Variants in XKR4 observed in about 807,000 individuals in gnomAD.
The protein encoded by XKR4 is XK related 4, also known as XK-related protein 4.
XKR4 carries 12 observed loss-of-function variants against 53.9 expected under a neutral mutation model. The observed-to-expected ratio is 0.22, with a 90% CI of 0.14 to 0.36. The LOEUF (loss-of-function observed/expected upper bound fraction) is 0.36. Among genes scored for constraint, XKR4 ranks in the 10% least tolerant of loss-of-function variants. The pLI, the probability that XKR4 is intolerant of heterozygous loss-of-function variation, is 1.00. For missense variants in XKR4, 799 were observed against 859.5 expected, an observed-to-expected ratio of 0.93 and a Z score of 0.88; for synonymous variants, 354 against 362.4, an observed-to-expected ratio of 0.98 and a Z score of 0.26.
chr8:55,429,779 C>T (rs1421959350), intron 2 of XKR4, among the ~76,000 whole-genome samples: 2 of 151,740 alleles, frequency 1.3e-5, no homozygotes, highest in South Asian at 2.1e-4. Flanking sequence ...AGAAAAATTG[C>T]TAAATTGGGC....
At chr8:55,446,628 C>A (rs1362158068) in intron 2 of XKR4, among the ~76,000 whole-genome samples, 6 of 152,126 alleles carry the variant, frequency 3.9e-5, no homozygotes, top group Non-Finnish European at 5.9e-5. Context: ...GGATTACAGG[C>A]GTGAGCTACT....
chr8:55,180,280 C>T (rs1817289618), intron 1 of XKR4, among the ~76,000 whole-genome samples: 1 of 152,138 alleles, frequency 6.6e-6, no homozygotes, highest in Admixed American at 6.5e-5. Flanking sequence ...TGTGAATATA[C>T]CTTTACATGA....
chr8:55,426,402 C>G (rs1171959317), intron 2 of XKR4, among the ~76,000 whole-genome samples: 1 of 152,188 alleles, frequency 6.6e-6, no homozygotes, highest in African/African-American at 2.4e-5. Context: ...CACACATACA[C>G]ACACACACAC....
At position 55,532,796 on chromosome 8, in the gene XKR4, CAAAAAAAAAAAAAAA is replaced by C. The variant is rs11313216; in HGVS notation, c.*8579_*8593del. ...TGGGTGACAGAGCAAGACTCCGTCT[CAAAAAAAAAAAAAAA>C]AAAAAAAAAGAATTTCAGAAAATAT... On this transcript the variant is annotated 3_prime_UTR_variant, in exon 3 of 3. Transcript: ENST00000327381. 1 of 70,948 alleles carries C rather than the reference CAAAAAAAAAAAAAAA, an allele frequency of 1.4e-5. No homozygotes were observed. The highest frequency in any genetic ancestry group is 2.0e-4 in the Admixed American group (1 of 5,118). The allele number at this position is 70,948 out of a possible 1,614,324, so 4.4% of individuals were successfully genotyped here. A position where few individuals can be genotyped will look rare whatever the true frequency, so the allele number is the denominator to read the frequency against.
chr8:55,246,667 A>G (rs1175022042), intron 1 of XKR4, among the ~76,000 whole-genome samples: 1 of 151,702 alleles, frequency 6.6e-6, no homozygotes, highest in Non-Finnish European at 1.5e-5. Context: ...AGTCATGGGT[A>G]TTCTGTAAGG....
rs149866316 is a variant in XKR4 at position 55,490,630 on chromosome 8, C to T, written c.1007-32651C>T. Among the ~76,000 whole-genome samples, 70 of 152,276 alleles carry T rather than the reference C, an allele frequency of 4.6e-4. 1 individual carries two copies. Among genetic ancestry groups the T allele is most frequent in the Admixed American group, 1.2e-3 (19 of 15,294 alleles). ...AAAATATAAAATTAAAAATAAAAGACGCTGTTTCATTGTCTCCTGGCTTGC... is the reference window on the plus strand; with the variant it reads ...AAAATATAAAATTAAAAATAAAAGATGCTGTTTCATTGTCTCCTGGCTTGC... On this transcript the variant is annotated intron_variant, in intron 2 of 2. Transcript: ENST00000327381.
intron 1 of XKR4, among the ~76,000 whole-genome samples, chr8:55,260,870 C>T (rs183298753): frequency 1.3e-5 from 2 of 152,284 alleles, no homozygotes; most frequent in East Asian, 3.9e-4. Flanking sequence ...TGCCTGGTCC[C>T]AGGTAGCCTT....
In XKR4 at chr8:55,179,382, T is replaced by G. The variant is rs549324879; in HGVS notation, c.806+76088T>G. On this transcript the variant is annotated intron_variant, in intron 1 of 2. Coordinates refer to ENST00000327381, the MANE Select transcript of XKR4 (RefSeq NM_052898.2). The stretch of plus-strand genomic sequence containing the variant: ...CAAGACTTCTCAAAATTTCTTTCAG[T>G]TCTAACGTTCTCAGGTTTTAGCAAG... 6.6e-5 allele frequency among the ~76,000 whole-genome samples: 10 copies of G among 152,254 alleles called. No individual in the cohort carries two copies. In the South Asian group the frequency reaches 2.1e-3, roughly 32 times the overall value.
intron 2 of XKR4, among the ~76,000 whole-genome samples, chr8:55,472,174 G>T (rs185547006): frequency 3.9e-5 from 6 of 152,240 alleles, no homozygotes; most frequent in African/African-American, 1.4e-4. Flanking sequence ...CTGGGATAAA[G>T]ATACAGTTTT....
intron 1 of XKR4, among the ~76,000 whole-genome samples, chr8:55,208,890 A>G (rs1446405863): frequency 1.3e-5 from 2 of 152,208 alleles, no homozygotes; most frequent in South Asian, 4.1e-4. Flanking sequence ...ATCAGTCCCA[A>G]GCTAATAAGT....
rs4738047 is a variant in XKR4, at chr8:55,289,851, G to A, written c.807-67827G>A. On this transcript the variant is annotated intron_variant, in intron 1 of 2. Transcript: ENST00000327381. The stretch of plus-strand genomic sequence containing the variant: ...GGAAGGAAGGAAGAGAAAGAAAGAA[G>A]GAAAGAAAGAAAGAAAGAAAGAAAG... Among the ~76,000 whole-genome samples, 792 of 135,226 alleles carry A rather than the reference G, an allele frequency of 5.9e-3. 10 individuals carry two copies. Among genetic ancestry groups the A allele is most frequent in the African/African-American group, 0.023 (745 of 32,780 alleles). 88.7% of individuals were successfully genotyped at this position (135,226 alleles called of 152,430 possible).
intron 1 of XKR4, among the ~76,000 whole-genome samples, chr8:55,121,436 C>G (rs569919434): frequency 6.6e-6 from 1 of 152,120 alleles, no homozygotes; most frequent in Non-Finnish European, 1.5e-5. Context: ...GTTAAGATAC[C>G]GTGAACTTGT....
At chr8:55,494,696 G>A (rs149755292) in intron 2 of XKR4, among the ~76,000 whole-genome samples, 5 of 152,194 alleles carry the variant, frequency 3.3e-5, no homozygotes, top group African/African-American at 4.8e-5. Flanking sequence ...AGAGAGTGCC[G>A]CTCCTCTCTA....
chr8:55,481,325 G>A (rs1179762117), intron 2 of XKR4, among the ~76,000 whole-genome samples: 1 of 151,994 alleles, frequency 6.6e-6, no homozygotes, highest in African/African-American at 2.4e-5. Context: ...AATGGTGCTG[G>A]GAAAACTGGC....
At chr8:55,368,073 G>T (rs773870032) in intron 2 of XKR4, among the ~76,000 whole-genome samples, 1 of 152,064 alleles carries the variant, frequency 6.6e-6, no homozygotes, top group African/African-American at 2.4e-5. Flanking sequence ...CGATTCCCGT[G>T]CCTCAGCCTC....
chr8:55,519,725 T>G (rs1390385230), intron 2 of XKR4, among the ~76,000 whole-genome samples: 1 of 152,166 alleles, frequency 6.6e-6, no homozygotes, highest in Non-Finnish European at 1.5e-5. Flanking sequence ...TGTGTCAATG[T>G]TAAATTGATT....
At chr8:55,343,483 A>G (rs2129382463) in intron 1 of XKR4, among the ~76,000 whole-genome samples, 1 of 152,264 alleles carries the variant, frequency 6.6e-6, no homozygotes, top group African/African-American at 2.4e-5. Context: ...TTGGCCCATG[A>G]AGCCTTTCGG....
chr8:55,432,915 G>C (rs1215540785), intron 2 of XKR4, among the ~76,000 whole-genome samples: 1 of 152,128 alleles, frequency 6.6e-6, no homozygotes, highest in African/African-American at 2.4e-5. Context: ...AGGCCTTTCT[G>C]AGTAAAGTAG....
chr8:55,441,249 CAT>C (rs1364683150), intron 2 of XKR4, among the ~76,000 whole-genome samples: 1 of 126,882 alleles, frequency 7.9e-6, no homozygotes, highest in Non-Finnish European at 1.7e-5. Context: ...CAAGAAAAAA[CAT>C]AAAAAAATAA....
Sources: gnomAD v4.1 joint callset for allele counts (sites outside exome capture counted in the v4.1 genomes callset) on GRCh38, gnomAD v4.1.1 for gene constraint, MANE v1.5 for transcripts, NCBI Gene and HGNC (gene_info 2026-07-23, HGNC 2026-07-21) for gene names.